AMPH: variants seen among roughly 807,000 people sequenced by gnomAD.
AMPH encodes amphiphysin (Stiff-Mann syndrome with breast cancer 128kD autoantigen).
In AMPH, 49 loss-of-function variants were observed where a neutral mutation model predicts 99.1. The observed-to-expected ratio is 0.49, with a 90% confidence interval of 0.39 to 0.63. The LOEUF (loss-of-function observed/expected upper bound fraction) is 0.63. Among genes scored for constraint, AMPH ranks in the 20% least tolerant of loss-of-function variants. The probability of loss-of-function intolerance (pLI) is 0.00; values close to 1 mark genes in which losing one functional copy is unlikely to be tolerated. For missense variants in AMPH, 759 were observed against 863.4 expected, an observed-to-expected ratio of 0.88 and a Z score of 1.52; for synonymous variants, 314 against 317.3, an observed-to-expected ratio of 0.99 and a Z score of 0.11.
intron 2 of AMPH, among the ~76,000 whole-genome samples, chr7:38,518,723 C>T (rs1055436006): frequency 1.3e-5 from 2 of 152,222 alleles, no homozygotes; most frequent in Non-Finnish European, 2.9e-5. Context: ...CATTCAGTCT[C>T]ATCCACATAT....
intron 1 of AMPH, among the ~76,000 whole-genome samples, chr7:38,549,404 G>A (rs2164837): frequency 0.67 from 101,826 of 152,060 alleles, 34,390 homozygotes; most frequent in East Asian, 0.88. Context: ...TGAAAAGGAA[G>A]AAGATGCAGA....
intron 2 of AMPH, among the ~76,000 whole-genome samples, chr7:38,507,897 C>G (rs1475542857): frequency 6.6e-6 from 1 of 152,190 alleles, no homozygotes; most frequent in African/African-American, 2.4e-5. Flanking sequence ...GAAGATCCAA[C>G]TGCATGAAGG....
At chr7:38,478,214 A>G (rs767270861) in intron 5 of AMPH, among the ~76,000 whole-genome samples, 7 of 152,148 alleles carry the variant, frequency 4.6e-5, no homozygotes, top group Non-Finnish European at 1.0e-4. Context: ...AGGGGTCTCT[A>G]CAGGCATACA....
chr7:38,538,303 C>G (rs1268178240), intron 1 of AMPH, among the ~76,000 whole-genome samples: 1 of 152,162 alleles, frequency 6.6e-6, no homozygotes, highest in Non-Finnish European at 1.5e-5. Context: ...TGAACAGTAG[C>G]AAAGAAGAAA....
chr7:38,439,279 T>C (rs1381148992), intron 11 of AMPH, among the ~76,000 whole-genome samples: 1 of 152,208 alleles, frequency 6.6e-6, no homozygotes, highest in East Asian at 1.9e-4. Context: ...AATGGACTAA[T>C]ACAACATGTG....
chr7:38,566,799 C>A (rs1392931476), intron 1 of AMPH, among the ~76,000 whole-genome samples: 7 of 152,196 alleles, frequency 4.6e-5, no homozygotes, highest in African/African-American at 7.2e-5. Context: ...TGCTCATCAT[C>A]ACTGACCATC....
intron 1 of AMPH, among the ~76,000 whole-genome samples, chr7:38,622,254 C>G (rs1794097141): frequency 6.6e-6 from 1 of 152,076 alleles, no homozygotes; most frequent in Admixed American, 6.5e-5. Context: ...GCTAGAAAGT[C>G]TTTTAAAATT....
chr7:38,576,896 A>G (rs1792265871), intron 1 of AMPH, among the ~76,000 whole-genome samples: 1 of 152,196 alleles, frequency 6.6e-6, no homozygotes. Context: ...CCATCTATAC[A>G]AAGGAAATGA....
At chr7:38,595,157 C>T (rs1038119015) in intron 1 of AMPH, among the ~76,000 whole-genome samples, 15 of 152,172 alleles carry the variant, frequency 9.9e-5, no homozygotes, top group South Asian at 2.1e-4. Flanking sequence ...TGATACACAA[C>T]GACGCTGCCC....
At chr7:38,563,721 T>C (rs1365531993) in intron 1 of AMPH, among the ~76,000 whole-genome samples, 1 of 152,200 alleles carries the variant, frequency 6.6e-6, no homozygotes, top group Non-Finnish European at 1.5e-5. Context: ...TAGGAATAAT[T>C]CTGATTTAGA....
intron 1 of AMPH, among the ~76,000 whole-genome samples, chr7:38,601,534 T>C (rs954821981): frequency 2.6e-5 from 4 of 152,248 alleles, no homozygotes; most frequent in Non-Finnish European, 5.9e-5. Context: ...ATTTATGATA[T>C]TTGAAAATCC....
rs566189836 is a variant in AMPH at position 38,519,631 on chromosome 7, G to A, written c.150+15300C>T. ...ATGCATGTAAAATTCTTAGAAGACT[G>A]AAACAACTGTGTCCACAGATACCTA... On this transcript the variant is annotated intron_variant, in intron 2 of 20. Coordinates refer to ENST00000356264, the MANE Select transcript of AMPH (RefSeq NM_001635.4). Among the ~76,000 whole-genome samples the A allele has an allele frequency of 3.9e-5, 6 of 152,268 alleles. No individual in the cohort carries two copies. The East Asian group carries it at 1.2e-3, about 29-fold the overall frequency.
intron 4 of AMPH, among the ~76,000 whole-genome samples, chr7:38,491,852 CATG>C (rs1788730117): frequency 6.6e-6 from 1 of 152,190 alleles, no homozygotes; most frequent in Non-Finnish European, 1.5e-5. Flanking sequence ...AACTCAAAGC[CATG>C]ATATGAAAGT....
intron 5 of AMPH, among the ~76,000 whole-genome samples, chr7:38,485,467 G>A (rs902403527): frequency 6.6e-6 from 1 of 151,804 alleles, no homozygotes; most frequent in African/African-American, 2.4e-5. Context: ...AAAGCAAAAT[G>A]ACAAACTGAA....
intron 1 of AMPH, among the ~76,000 whole-genome samples, chr7:38,625,170 C>T (rs1177886599): frequency 6.6e-6 from 1 of 152,118 alleles, no homozygotes; most frequent in African/African-American, 2.4e-5. Context: ...AACCCCAACA[C>T]TGGCAAAAGA....
At chr7:38,430,192 C>T (rs530752724) in intron 13 of AMPH, 8 of 307,030 alleles carry the variant, frequency 2.6e-5, no homozygotes, top group South Asian at 5.8e-5. Flanking sequence ...TTGAGAACAT[C>T]GGAATAAGAT....
At chr7:38,580,363 G>A (rs903713277) in intron 1 of AMPH, among the ~76,000 whole-genome samples, 6 of 152,012 alleles carry the variant, frequency 3.9e-5, no homozygotes, top group Admixed American at 6.6e-5. Flanking sequence ...ATGCACAATC[G>A]CAAAATAAAG....
At chr7:38,495,924 C>T (rs551367239) in intron 3 of AMPH, among the ~76,000 whole-genome samples, 1 of 152,252 alleles carries the variant, frequency 6.6e-6, no homozygotes, top group Admixed American at 6.5e-5. Context: ...TGAAAAGCCA[C>T]GAAGACAGCT....
intron 17 of AMPH, among the ~76,000 whole-genome samples, chr7:38,406,254 T>C (rs900548793): frequency 1.3e-5 from 2 of 151,846 alleles, no homozygotes; most frequent in Non-Finnish European, 2.9e-5. Flanking sequence ...AATACTTACA[T>C]CAAAAAGATA....
Sources: gnomAD v4.1 joint callset for allele counts (sites outside exome capture counted in the v4.1 genomes callset) on GRCh38, gnomAD v4.1.1 for gene constraint, MANE v1.5 for transcripts, NCBI Gene and HGNC (gene_info 2026-07-23, HGNC 2026-07-21) for gene names.